PDZD2: variants seen among roughly 807,000 people sequenced by gnomAD.
The protein encoded by PDZD2 is PDZ domain containing 2, also known as PDZ domain-containing protein 2.
A neutral mutation model predicts 220.7 loss-of-function variants in PDZD2; 90 were observed. The ratio of observed to expected loss-of-function variants is 0.41; its 90% confidence interval spans 0.34 to 0.49. The LOEUF is 0.49. Among genes scored for constraint, PDZD2 ranks in the 20% least tolerant of loss-of-function variants. The probability of loss-of-function intolerance (pLI) is 0.28; values close to 1 mark genes in which losing one functional copy is unlikely to be tolerated. For synonymous variants in PDZD2, 1,375 were observed against 1,450.5 expected (o/e 0.95, Z 1.18); for missense variants, 3,174 against 3,608.5 (o/e 0.88, Z 3.08).
At chr5:31,667,712 C>G (rs902054022) in intron 1 of PDZD2, among the ~76,000 whole-genome samples, 1 of 152,050 alleles carries the variant, frequency 6.6e-6, no homozygotes, top group Admixed American at 6.6e-5. Flanking sequence ...TCCTGCCCCT[C>G]AACAGCTCAC....
chr5:32,065,201 G>A (rs776390009), intron 14 of PDZD2, among the ~76,000 whole-genome samples: 16 of 151,290 alleles, frequency 1.1e-4, no homozygotes, highest in Non-Finnish European at 1.9e-4. Flanking sequence ...CCAGTGCTGA[G>A]GAAGGAGAAA....
In PDZD2 at chr5:32,073,864, A is replaced by G. The variant is rs200050629; in HGVS notation, c.2758A>G (p.Ser920Gly). Residue 920 changes from serine (S) to glycine (G), a missense_variant, in exon 18 of 25, where the codon AGC becomes GGC. Physicochemically the swap from Ser to Gly is moderately conservative, Grantham distance 56. Around this residue, in one of 4 missense-constraint regions of PDZD2, gnomAD observed 1,861 missense variants for 2,001.0 expected, o/e 0.93. Coordinates refer to ENST00000438447, the MANE Select transcript of PDZD2 (RefSeq NM_178140.4). ...GGAGCCTGGAAAACCCAGAGCCAAC[A>G]GCCTCGTGACTCTTGGGAGCCATCG... Reference protein sequence around the residue: ...HKEPGKPRANSLVTLGSHRAS... With the variant: ...HKEPGKPRANGLVTLGSHRAS... The G allele has an allele frequency of 1.9e-6, 3 of 1,613,200 alleles. No homozygotes were observed. Among genetic ancestry groups the G allele is most frequent in the African/African-American group, 2.7e-5 (2 of 74,990 alleles).
At chr5:31,808,896 C>T (rs1006913078) in intron 2 of PDZD2, among the ~76,000 whole-genome samples, 39 of 151,936 alleles carry the variant, frequency 2.6e-4, no homozygotes, top group African/African-American at 9.4e-4. Flanking sequence ...AGGAGAATCG[C>T]TTGAACTGGG....
At position 31,752,066 on chromosome 5, in the gene PDZD2, TG is replaced by T. The variant is rs372519202; in HGVS notation, c.-360-46820del. Among the ~76,000 whole-genome samples, 39 of 103,888 alleles carry T rather than the reference TG, an allele frequency of 3.8e-4. 5 individuals are homozygous for T. The highest frequency in any genetic ancestry group is 6.2e-4 in the East Asian group (2 of 3,216). 68.2% of individuals were successfully genotyped at this position (103,888 alleles called of 152,430 possible). ...TTTTTGTTTGTTTGTTTTATTGTTT[TG>T]GGTTTGTTTTTTTTTTTTTTTTTCT... On this transcript the variant is annotated intron_variant, in intron 1 of 24. Coordinates refer to ENST00000438447, the MANE Select transcript of PDZD2 (RefSeq NM_178140.4).
At chr5:31,837,424 G>C (rs1042594730) in intron 2 of PDZD2, among the ~76,000 whole-genome samples, 2 of 152,030 alleles carry the variant, frequency 1.3e-5, no homozygotes, top group Non-Finnish European at 2.9e-5. Flanking sequence ...ATTTTTAAAC[G>C]ATCATAAAGA....
chr5:31,670,664 G>A (rs1040696442), intron 1 of PDZD2, among the ~76,000 whole-genome samples: 2 of 151,784 alleles, frequency 1.3e-5, no homozygotes, highest in South Asian at 2.1e-4. Context: ...CTCGTGATCC[G>A]CCCGCCTCAG....
At chr5:31,896,967 G>A (rs1581021652) in intron 2 of PDZD2, among the ~76,000 whole-genome samples, 1 of 152,140 alleles carries the variant, frequency 6.6e-6, no homozygotes, top group East Asian at 1.9e-4. Context: ...CAGTTACAAA[G>A]AAAACTTCTT....
chr5:31,875,687 T>G (rs1739243327), intron 2 of PDZD2, among the ~76,000 whole-genome samples: 1 of 148,962 alleles, frequency 6.7e-6, no homozygotes, highest in Admixed American at 6.7e-5. Flanking sequence ...AATATATATT[T>G]AAATATAATC....
intron 2 of PDZD2, among the ~76,000 whole-genome samples, chr5:31,869,838 G>A (rs1281063506): frequency 1.3e-5 from 2 of 152,110 alleles, no homozygotes. Context: ...TGTCGGCTCG[G>A]GCATCTGAGG....
rs1212168619 is a variant in PDZD2, at chr5:32,083,723, A to C, written c.3683-3408A>C. 2.6e-5 allele frequency: 4 copies of C among 152,162 alleles called. No homozygotes were observed. The highest frequency in any genetic ancestry group is 9.7e-5 in the African/African-American group (4 of 41,428). 9.4% of individuals were successfully genotyped at this position (152,162 alleles called of 1,614,324 possible). On this transcript the variant is annotated intron_variant, in intron 19 of 24. Coordinates refer to ENST00000438447, the MANE Select transcript of PDZD2 (RefSeq NM_178140.4). The surrounding 1 kb of genome is among the most constrained non-coding windows in gnomAD (Gnocchi z 4.1). ...ATTCTTGCTCTGTCGCTCAGGCTGG[A>C]TGGAGTACAGTGGCTCGATCTCGGC...
chr5:31,867,672 C>G (rs1023348727), intron 2 of PDZD2, among the ~76,000 whole-genome samples: 3 of 152,134 alleles, frequency 2.0e-5, no homozygotes, highest in African/African-American at 7.2e-5. Flanking sequence ...CAAGAAAAAG[C>G]CTTTCCTTAA....
chr5:31,976,995 C>T (rs7705541), intron 2 of PDZD2, among the ~76,000 whole-genome samples: 33,064 of 150,304 alleles, frequency 0.22, 3,773 homozygotes, highest in Middle Eastern at 0.32. Flanking sequence ...GAATTACATG[C>T]GTGAGCCAAC....
chr5:32,002,285 G>A (rs1460656993), intron 5 of PDZD2, among the ~76,000 whole-genome samples: 2 of 152,106 alleles, frequency 1.3e-5, no homozygotes, highest in Non-Finnish European at 2.9e-5. Context: ...TAGGCGTTGA[G>A]ACCACTGTCC....
At chr5:32,080,765 T>TG (rs1205755570) in intron 19 of PDZD2, among the ~76,000 whole-genome samples, 1 of 152,212 alleles carries the variant, frequency 6.6e-6, no homozygotes, top group East Asian at 1.9e-4. Context: ...TCATGTCCTT[T>TG]GCAGGGACAA....
At chr5:32,064,118 T>G (rs1321958435) in intron 14 of PDZD2, among the ~76,000 whole-genome samples, 1 of 152,236 alleles carries the variant, frequency 6.6e-6, no homozygotes, top group Non-Finnish European at 1.5e-5. Flanking sequence ...TCTATACTTG[T>G]ACAGTTGCCT....
chr5:31,774,308 G>A (rs1366600842), intron 1 of PDZD2, among the ~76,000 whole-genome samples: 1 of 152,118 alleles, frequency 6.6e-6, no homozygotes, highest in Non-Finnish European at 1.5e-5. Flanking sequence ...GATGAGGAAA[G>A]GTGTGAATCA....
At position 32,057,740 on chromosome 5, in the gene PDZD2, C is replaced by G. The variant is rs754957448; in HGVS notation, c.1974+12C>G. 1 of 1,520,220 alleles carries G rather than the reference C, an allele frequency of 6.6e-7. No individual in the cohort carries two copies. Among genetic ancestry groups the G allele is most frequent in the African/African-American group, 1.4e-5 (1 of 72,792 alleles). The allele number at this position is 1,520,220 out of a possible 1,614,324, so 94.2% of individuals were successfully genotyped here. A position where few individuals can be genotyped will look rare whatever the true frequency, so the allele number is the denominator to read the frequency against. ...TTCATACCTTTAAGGTAACAACATT[C>G]TTATTGATCTCCTTTATCCTATTTT... On this transcript the variant is annotated intron_variant, in intron 11 of 24. Transcript: ENST00000438447.
At chr5:31,662,670 C>A (rs2150112719) in intron 1 of PDZD2, among the ~76,000 whole-genome samples, 1 of 152,270 alleles carries the variant, frequency 6.6e-6, no homozygotes, top group South Asian at 2.1e-4. Flanking sequence ...GGCTCTGTAG[C>A]CCAGGATGGA....
At chr5:31,991,806 A>C (rs191297744) in intron 3 of PDZD2, among the ~76,000 whole-genome samples, 3 of 152,314 alleles carry the variant, frequency 2.0e-5, no homozygotes, top group Admixed American at 2.0e-4. Flanking sequence ...AGGTGGGCAG[A>C]TCACCAGTGG....
Sources: gnomAD v4.1 joint callset for allele counts (sites outside exome capture counted in the v4.1 genomes callset) on GRCh38, gnomAD v4.1.1 for gene constraint, gnomAD v4.1.1 regional missense constraint, Gnocchi (gnomAD v3.1) non-coding constraint, MANE v1.5 for transcripts, NCBI Gene and HGNC (gene_info 2026-07-23, HGNC 2026-07-21) for gene names.